Variants in TMEM62 observed in about 807,000 individuals in gnomAD.
The protein encoded by TMEM62 is transmembrane protein 62.
A neutral mutation model predicts 70.4 loss-of-function variants in TMEM62; 41 were observed. The ratio of observed to expected loss-of-function variants is 0.58; its 90% CI spans 0.45 to 0.76. The LOEUF (loss-of-function observed/expected upper bound fraction) is 0.76. TMEM62 is among the 30% of genes least tolerant of loss of function. The probability of loss-of-function intolerance (pLI) is 0.00; values close to 1 mark genes in which losing one functional copy is unlikely to be tolerated. For missense variants in TMEM62, 688 were observed against 788.5 expected (o/e 0.87, Z 1.53); for synonymous variants, 268 against 291.0 (o/e 0.92, Z 0.80).
chr15:43,167,235 G>A (rs1215143639), intron 10 of TMEM62, among the ~76,000 whole-genome samples: 10 of 151,520 alleles, frequency 6.6e-5, no homozygotes, highest in Admixed American at 3.9e-4. Context: ...CCTCCCTCCC[G>A]GATGGGGCGG....
chr15:43,169,825 C>A (rs2039998552), intron 11 of TMEM62, 148 bp downstream of exon 11: 6 of 615,336 alleles, frequency 9.8e-6, no homozygotes, highest in Non-Finnish European at 1.7e-5. Context: ...AGTAAATGGT[C>A]CTGAGGCAGT....
intron 7 of TMEM62, among the ~76,000 whole-genome samples, chr15:43,151,436 A>C (rs2037377950): frequency 6.6e-6 from 1 of 152,168 alleles, no homozygotes; most frequent in Non-Finnish European, 1.5e-5. Context: ...GAAGAATGTC[A>C]AGTATTAGGG....
intron 11 of TMEM62, among the ~76,000 whole-genome samples, chr15:43,174,467 C>T (rs2040529278): frequency 6.6e-6 from 1 of 152,108 alleles, no homozygotes; most frequent in Non-Finnish European, 1.5e-5. Context: ...TGTGTATTTT[C>T]CTGAACATAA....
intron 8 of TMEM62, 47 bp from the exon 9 acceptor site, chr15:43,154,625 C>T: frequency 6.5e-7 from 1 of 1,543,206 alleles, no homozygotes. Flanking sequence ...TTTGCAAAAA[C>T]AATGACAAAC....
In TMEM62 at chr15:43,151,893, A is replaced by G. The variant is rs1454088831; in HGVS notation, c.970A>G (p.Ser324Gly). The change falls in exon 8 of 14, where the codon AGT (serine) becomes GGT (glycine). Residue 324 changes from serine (S) to glycine (G), a missense_variant. Ser to Gly is a moderately conservative substitution (Grantham distance 56). Coordinates refer to ENST00000260403, the MANE Select transcript of TMEM62 (RefSeq NM_024956.4). Reference protein sequence around the residue: ...LITNPKSLLYSCGEHEPLERL... With the variant: ...LITNPKSLLYGCGEHEPLERL... The stretch of plus-strand genomic sequence containing the variant: ...CACCAATCCTAAATCACTCCTTTAT[A>G]GTTGTGGTGAACATGAACCACTAGA... 1.2e-6 allele frequency: 2 copies of G among 1,613,696 alleles called. No individual in the cohort carries two copies. The highest frequency in any genetic ancestry group is 1.1e-5 in the South Asian group (1 of 91,058).
At chr15:43,169,957 CTTACAGGTTT>C (rs985448241) in intron 11 of TMEM62, 1 of 271,670 alleles carries the variant, frequency 3.7e-6, no homozygotes, top group Non-Finnish European at 6.9e-6. Context: ...GAAGTGGGGG[CTTACAGGTTT>C]TACGGGGATT....
At chr15:43,150,128 A>G (rs1398874533) in intron 7 of TMEM62, among the ~76,000 whole-genome samples, 1 of 152,142 alleles carries the variant, frequency 6.6e-6, no homozygotes, top group Non-Finnish European at 1.5e-5. Flanking sequence ...TTTTATTTTT[A>G]ACTACTTCCA....
At chr15:43,167,123 C>T (rs1310529793) in intron 10 of TMEM62, among the ~76,000 whole-genome samples, 2 of 150,152 alleles carry the variant, frequency 1.3e-5, no homozygotes, top group Non-Finnish European at 3.0e-5. Flanking sequence ...TGGGCAGAGG[C>T]GCCCCTCACC....
intron 4 of TMEM62, among the ~76,000 whole-genome samples, chr15:43,139,653 C>T (rs1197306753): frequency 1.3e-5 from 2 of 152,188 alleles, no homozygotes; most frequent in Non-Finnish European, 2.9e-5. Flanking sequence ...AGAACGTTTT[C>T]GTGTTCTGGA....
At chr15:43,147,258 C>T (rs548313060) in intron 5 of TMEM62, among the ~76,000 whole-genome samples, 13 of 152,264 alleles carry the variant, frequency 8.5e-5, no homozygotes, top group South Asian at 4.1e-4. Context: ...GCCACTGTGC[C>T]CAGCTGGTCT....
intron 2 of TMEM62, among the ~76,000 whole-genome samples, 164 bp downstream of exon 2, chr15:43,134,532 T>G (rs576140260): frequency 1.3e-5 from 2 of 152,316 alleles, no homozygotes; most frequent in South Asian, 2.1e-4. Flanking sequence ...CCTTTGCCTA[T>G]GGATAACTGA....
At chr15:43,178,569 C>A in intron 11 of TMEM62, 38 bp from the exon 12 acceptor site, 1 of 1,294,328 alleles carries the variant, frequency 7.7e-7, no homozygotes, top group Non-Finnish European at 1.1e-6. Flanking sequence ...CTGAACTTTG[C>A]ATGTGTTCAC....
intron 9 of TMEM62, among the ~76,000 whole-genome samples, chr15:43,155,870 A>G (rs1342629878): frequency 2.0e-5 from 3 of 152,210 alleles, no homozygotes; most frequent in Non-Finnish European, 4.4e-5. Context: ...AGGAATAAGC[A>G]TTGTTAGCAT....
intron 5 of TMEM62, among the ~76,000 whole-genome samples, chr15:43,148,397 G>T (rs545329095): frequency 6.6e-6 from 1 of 152,252 alleles, no homozygotes; most frequent in East Asian, 1.9e-4. Flanking sequence ...TTAGGTAGAA[G>T]TCTTTCCATG....
In TMEM62 at chr15:43,185,011, T is replaced by G. The variant is rs1218088738; in HGVS notation, c.*425T>G. 8.1e-6 allele frequency: 2 copies of G among 247,446 alleles called. No homozygotes were observed. Among genetic ancestry groups the G allele is most frequent in the Non-Finnish European group, 1.6e-5 (2 of 126,484 alleles). The allele number at this position is 247,446 out of a possible 1,614,324, so 15.3% of individuals were successfully genotyped here. On this transcript the variant is annotated 3_prime_UTR_variant, in exon 14 of 14. Coordinates refer to ENST00000260403, the MANE Select transcript of TMEM62 (RefSeq NM_024956.4). The stretch of plus-strand genomic sequence containing the variant: ...TTCAGGGGCAGGGAACCTTTGAGGA[T>G]CTGGGCCCGACCCTCACTACCCCTG...
intron 5 of TMEM62, among the ~76,000 whole-genome samples, chr15:43,147,642 G>A (rs1197294678): frequency 6.6e-6 from 1 of 152,252 alleles, no homozygotes; most frequent in African/African-American, 2.4e-5. Flanking sequence ...CAAGTGAACA[G>A]AATATTGTCA....
chr15:43,152,030 A>G (rs1193535625), intron 8 of TMEM62, 85 bp downstream of exon 8: 8 of 1,018,838 alleles, frequency 7.9e-6, no homozygotes, highest in East Asian at 2.6e-5. Context: ...TGTGAAAGCT[A>G]TGAGATGCCC....
chr15:43,179,984 TC>T (rs1338290833), intron 12 of TMEM62: 1 of 152,232 alleles, frequency 6.6e-6, no homozygotes, highest in Non-Finnish European at 1.5e-5. Flanking sequence ...GAAGAATTGT[TC>T]CATTCAGAAA....
intron 4 of TMEM62, among the ~76,000 whole-genome samples, chr15:43,142,619 G>A (rs868479680): frequency 7.9e-5 from 12 of 151,874 alleles, no homozygotes; most frequent in Admixed American, 2.6e-4. Flanking sequence ...ATTTTGACTC[G>A]CTGAAGGCTC....
Sources: allele counts gnomAD v4.1 joint callset (sites outside exome capture counted in the v4.1 genomes callset), GRCh38; gene constraint gnomAD v4.1.1; transcripts MANE v1.5; gene names NCBI Gene and HGNC (gene_info 2026-07-23, HGNC 2026-07-21).